CA8: variants seen among roughly 807,000 people sequenced by gnomAD.
CA8 encodes carbonic anhydrase-related protein.
In CA8, 22 loss-of-function variants were observed where a neutral mutation model predicts 41.4. The ratio of observed to expected loss-of-function variants is 0.53; its 90% confidence interval spans 0.38 to 0.76. The LOEUF (loss-of-function observed/expected upper bound fraction) is 0.76, where lower values mean the gene tolerates loss of function less well. Ranked by LOEUF, CA8 falls within the 30% of genes least tolerant of loss-of-function variation. The pLI is 0.00. For missense variants in CA8, 270 were observed against 352.8 expected (o/e 0.77, Z 1.88); for synonymous variants, 121 against 130.6 (o/e 0.93, Z 0.50).
intron 8 of CA8, among the ~76,000 whole-genome samples, chr8:60,198,755 T>A (rs920128963): frequency 6.6e-6 from 1 of 152,178 alleles, no homozygotes; most frequent in Non-Finnish European, 1.5e-5. Context: ...AGGTTTGTAT[T>A]ATATCTAATT....
At chr8:60,257,907 G>A (rs1803601058) in intron 3 of CA8, among the ~76,000 whole-genome samples, 1 of 152,262 alleles carries the variant, frequency 6.6e-6, no homozygotes. Flanking sequence ...GGCAGGTTAG[G>A]TGAGTGAGGT....
intron 8 of CA8, among the ~76,000 whole-genome samples, chr8:60,196,685 T>C (rs1806290629): frequency 6.6e-6 from 1 of 152,180 alleles, no homozygotes; most frequent in Non-Finnish European, 1.5e-5. Flanking sequence ...TTTTTCTCTT[T>C]TATTTTTGTC....
At position 60,266,851 on chromosome 8, in the gene CA8, A is replaced by G. The variant is rs538748606; in HGVS notation, c.293-802T>C. Among the ~76,000 whole-genome samples the G allele has an allele frequency of 1.4e-4, 22 of 152,342 alleles. No individual in the cohort carries two copies. The South Asian group carries it at 4.1e-3, about 29-fold the overall frequency. On this transcript the variant is annotated intron_variant, in intron 2 of 8. Transcript: ENST00000317995. Reference sequence around the variant, plus strand: ...TTGAAATAAAGTTTCCTACAAATAAATGGTCAATTTCAATACAAATAAAAG... The same window carrying G: ...TTGAAATAAAGTTTCCTACAAATAAGTGGTCAATTTCAATACAAATAAAAG...
At chr8:60,278,126 T>TTTGA (rs35851958) in intron 2 of CA8, among the ~76,000 whole-genome samples, 3 of 151,610 alleles carry the variant, frequency 2.0e-5, no homozygotes, top group African/African-American at 4.8e-5. Context: ...TAAAGAAAAT[T>TTTGA]GTGTTTGAGA....
At chr8:60,233,497 G>A (rs138695090) in intron 3 of CA8, among the ~76,000 whole-genome samples, 150 of 152,310 alleles carry the variant, frequency 9.8e-4, no homozygotes, top group Non-Finnish European at 1.9e-3. Flanking sequence ...GCCAGGTCAG[G>A]CTGTGAGGCT....
chr8:60,207,129 C>G (rs10100729), intron 8 of CA8, among the ~76,000 whole-genome samples: 8,874 of 152,082 alleles, frequency 0.058, 902 homozygotes, highest in African/African-American at 0.2. Flanking sequence ...AACTCTCTAA[C>G]CTCTGCCCAT....
At chr8:60,261,987 G>A (rs1487738785) in intron 3 of CA8, among the ~76,000 whole-genome samples, 3 of 152,194 alleles carry the variant, frequency 2.0e-5, no homozygotes, top group Non-Finnish European at 2.9e-5. Context: ...TGGGATTACA[G>A]GTGTGAGCCA....
chr8:60,277,052 G>A (rs902719523), intron 2 of CA8, among the ~76,000 whole-genome samples: 13 of 151,782 alleles, frequency 8.6e-5, no homozygotes, highest in African/African-American at 2.7e-4. Context: ...CCTGGGAGGT[G>A]GAGATTGCAG....
At chr8:60,244,679 AAG>A (rs1808161440) in intron 3 of CA8, among the ~76,000 whole-genome samples, 1 of 152,226 alleles carries the variant, frequency 6.6e-6, no homozygotes, top group African/African-American at 2.4e-5. Context: ...AGTTTTCAGA[AAG>A]AGTATTTTTT....
At chr8:60,264,394 G>A (rs1803833553) in intron 3 of CA8, among the ~76,000 whole-genome samples, 2 of 152,240 alleles carry the variant, frequency 1.3e-5, no homozygotes, top group South Asian at 4.1e-4. Flanking sequence ...CAAAGGCGCT[G>A]ACAGTCCAGG....
intron 3 of CA8, among the ~76,000 whole-genome samples, chr8:60,256,959 GT>G (rs1380683580): frequency 6.6e-6 from 1 of 151,864 alleles, no homozygotes; most frequent in Non-Finnish European, 1.5e-5. Context: ...GTAACAAAAC[GT>G]TTTTTGTTTT....
chr8:60,265,315 CAG>C (rs202048182), intron 3 of CA8: 73 of 154,010 alleles, frequency 4.7e-4, no homozygotes, highest in South Asian at 1.2e-3. Flanking sequence ...ATACAGGGAG[CAG>C]AGAGAGAGAG....
chr8:60,234,236 C>T (rs937840316), intron 3 of CA8, among the ~76,000 whole-genome samples: 11 of 152,124 alleles, frequency 7.2e-5, no homozygotes, highest in East Asian at 3.8e-4. Context: ...CTCCTCAAAA[C>T]GGTCAAGGTC....
intron 3 of CA8, among the ~76,000 whole-genome samples, chr8:60,254,192 GT>G (rs1808544637): frequency 6.6e-6 from 1 of 152,082 alleles, no homozygotes; most frequent in South Asian, 2.1e-4. Flanking sequence ...TTATCACAGG[GT>G]TTGGCTTTAA....
At chr8:60,246,011 G>A (rs1808222157) in intron 3 of CA8, among the ~76,000 whole-genome samples, 1 of 152,120 alleles carries the variant, frequency 6.6e-6, no homozygotes, top group South Asian at 2.1e-4. Flanking sequence ...GCAGATATGG[G>A]AGCTCCAGTT....
At chr8:60,264,608 C>A (rs1487788830) in intron 3 of CA8, among the ~76,000 whole-genome samples, 1 of 152,194 alleles carries the variant, frequency 6.6e-6, no homozygotes, top group Non-Finnish European at 1.5e-5. Flanking sequence ...GAGCAAACAG[C>A]TCCTAGACAG....
chr8:60,220,353 G>C (rs1807202581), intron 7 of CA8, among the ~76,000 whole-genome samples: 1 of 152,114 alleles, frequency 6.6e-6, no homozygotes, highest in Admixed American at 6.5e-5. Context: ...ATCAAGCAGT[G>C]AGCATACCTA....
At chr8:60,270,558 G>T (rs1804037226) in intron 2 of CA8, among the ~76,000 whole-genome samples, 1 of 152,122 alleles carries the variant, frequency 6.6e-6, no homozygotes, top group Non-Finnish European at 1.5e-5. Flanking sequence ...AGAGATTATA[G>T]GTGTGCACCA....
intron 8 of CA8, among the ~76,000 whole-genome samples, chr8:60,203,066 G>A (rs1806478525): frequency 6.6e-6 from 1 of 152,080 alleles, no homozygotes; most frequent in African/African-American, 2.4e-5. Context: ...ACTAAACTCA[G>A]AAAGCAAAGA....
Sources: allele counts gnomAD v4.1 joint callset (sites outside exome capture counted in the v4.1 genomes callset), GRCh38; gene constraint gnomAD v4.1.1; transcripts MANE v1.5; gene names NCBI Gene and HGNC (gene_info 2026-07-23, HGNC 2026-07-21).